SMAP2: variants seen among roughly 807,000 people sequenced by gnomAD.
SMAP2 encodes the protein small ArfGAP2.
Under a neutral mutation model 56.4 loss-of-function variants are expected in SMAP2, and 25 were observed. The observed-to-expected ratio is 0.44, with a 90% CI of 0.32 to 0.62. SMAP2 has a LOEUF of 0.62. Ranked by LOEUF, SMAP2 falls within the 20% of genes least tolerant of loss-of-function variation. The pLI is 0.04. For missense variants in SMAP2, 388 were observed against 545.6 expected (o/e 0.71, Z 2.88); for synonymous variants, 157 against 181.7 (o/e 0.86, Z 1.09).
chr1:40,419,441 C>T (rs542988124), intron 9 of SMAP2, among the ~76,000 whole-genome samples: 8 of 152,098 alleles, frequency 5.3e-5, no homozygotes, highest in African/African-American at 1.4e-4. Context: ...CCACCACACC[C>T]GGTTAATTTT....
At position 40,423,287 on chromosome 1, in the gene SMAP2, T is replaced by C. The variant is rs1480317936; in HGVS notation, c.*1186T>C. On this transcript the variant is annotated 3_prime_UTR_variant, in exon 10 of 10. Transcript: ENST00000372718. ...ACAGTTCCTGGCTGCCTTTCTCCTG[T>C]GTATGTGTAAATTCCTTAATAAATA... 1 of 152,696 alleles carries C rather than the reference T, an allele frequency of 6.5e-6. No individual in the cohort carries two copies. The highest frequency in any genetic ancestry group is 1.5e-5 in the Non-Finnish European group (1 of 68,050). The allele number at this position is 152,696 out of a possible 1,614,324, so 9.5% of individuals were successfully genotyped here.
chr1:40,380,655 G>A (rs778874817), intron 1 of SMAP2, among the ~76,000 whole-genome samples: 12 of 151,396 alleles, frequency 7.9e-5, no homozygotes, highest in Middle Eastern at 3.4e-3. Context: ...TCAGCCTCCC[G>A]AGTGGCTGGG....
chr1:40,416,117 C>G, intron 7 of SMAP2, 59 bp from the exon 8 acceptor site: 1 of 1,532,954 alleles, frequency 6.5e-7, no homozygotes, highest in Non-Finnish European at 8.9e-7. Context: ...GAAGGGAGAC[C>G]CTTAAAGAGA....
chr1:40,385,442 A>G lies in SMAP2; in HGVS notation c.103+11219A>G, dbSNP rs1446358171. ...TTTTTAAAAAAAACATTTCAGGTCA[A>G]AGCTTCCAAAAAGAAATTTCTTAAT... On this transcript the variant is annotated intron_variant, in intron 1 of 9. Transcript: ENST00000372718. The surrounding 1 kb of genome is among the most constrained non-coding windows in gnomAD (Gnocchi z 4.5). Among the ~76,000 whole-genome samples, 1 of 152,174 alleles carries G rather than the reference A, an allele frequency of 6.6e-6. No individual in the cohort carries two copies. The highest frequency in any genetic ancestry group is 2.4e-5 in the African/African-American group (1 of 41,446).
chr1:40,372,697 TG>T (rs1258132901), upstream of SMAP2, among the ~76,000 whole-genome samples: 2 of 152,288 alleles, frequency 1.3e-5, no homozygotes, highest in East Asian at 3.9e-4. Context: ...AGTAAAGAAA[TG>T]GAGGAGAGGG....
At chr1:40,350,588 C>T (rs563787611) in intron 1 of SMAP2, among the ~76,000 whole-genome samples, 2 of 152,276 alleles carry the variant, frequency 1.3e-5, no homozygotes, top group East Asian at 3.9e-4. Context: ...ATCTGGGCTG[C>T]TTCCTGTTCA....
At chr1:40,393,643 T>C (rs955963171) in intron 1 of SMAP2, 20 of 727,858 alleles carry the variant, frequency 2.7e-5, no homozygotes, top group Non-Finnish European at 4.1e-5. Context: ...CCTCCCAGGT[T>C]CAAGCGATTC....
chr1:40,360,969 A>G (rs570722646), intron 1 of SMAP2, among the ~76,000 whole-genome samples: 5 of 152,314 alleles, frequency 3.3e-5, no homozygotes, highest in Admixed American at 2.6e-4. Context: ...GCTGGGCTTG[A>G]AGCCAGTGGA....
chr1:40,379,584 C>T lies in SMAP2; in HGVS notation c.103+5361C>T, dbSNP rs971331625. On this transcript the variant is annotated intron_variant, in intron 1 of 9. Transcript: ENST00000372718. Reference sequence around the variant, plus strand: ...TTTTTTTTTTTTTTTTTTTTTGAGGCGGAGTCTTGCTATGTACAGTGGTGC... The same window carrying T: ...TTTTTTTTTTTTTTTTTTTTTGAGGTGGAGTCTTGCTATGTACAGTGGTGC... Among the ~76,000 whole-genome samples, 21 of 100,114 alleles carry T rather than the reference C, an allele frequency of 2.1e-4. No homozygotes were observed. The East Asian group carries it at 3.2e-3, about 15-fold the overall frequency. 65.7% of individuals were successfully genotyped at this position (100,114 alleles called of 152,430 possible). A position where few individuals can be genotyped will look rare whatever the true frequency, so the allele number is the denominator to read the frequency against.
At chr1:40,378,175 A>G (rs1376886234) in intron 1 of SMAP2, among the ~76,000 whole-genome samples, 1 of 152,068 alleles carries the variant, frequency 6.6e-6, no homozygotes, top group East Asian at 1.9e-4. Context: ...CCCAGGCTGG[A>G]GTGCAGTGGT....
At chr1:40,358,172 T>C (rs1644444973) in intron 1 of SMAP2, among the ~76,000 whole-genome samples, 2 of 152,356 alleles carry the variant, frequency 1.3e-5, no homozygotes, top group South Asian at 4.1e-4. Context: ...TGTATTTTAC[T>C]TAATTTGTAG....
chr1:40,361,911 T>C lies in SMAP2; in HGVS notation c.-82-389T>C, dbSNP rs923737514. Among the ~76,000 whole-genome samples the C allele has an allele frequency of 9.2e-5, 14 of 152,272 alleles. 1 individual carries two copies. Among genetic ancestry groups the C allele is most frequent in the East Asian group, 5.8e-4 (3 of 5,182 alleles). On this transcript the variant is annotated intron_variant, in intron 1 of 6. Transcript: ENST00000435168. ...TGCATGGGAGATAAACTGGTTAGGA[T>C]TCCAATAGGAAGCCTGTGGCCAATG...
intron 1 of SMAP2, among the ~76,000 whole-genome samples, chr1:40,361,852 C>T (rs1274808497): frequency 6.6e-6 from 1 of 152,144 alleles, no homozygotes; most frequent in African/African-American, 2.4e-5. Flanking sequence ...CTTCTGACTC[C>T]CGGCTTGATT....
chr1:40,407,771 T>C (rs1347351329), intron 2 of SMAP2, among the ~76,000 whole-genome samples: 1 of 152,120 alleles, frequency 6.6e-6, no homozygotes, highest in East Asian at 1.9e-4. Context: ...GGACAATGTG[T>C]ATATTAGATT....
intron 4 of SMAP2, 100 bp from the exon 5 acceptor site, chr1:40,412,916 T>C (rs1205678076): frequency 8.5e-6 from 7 of 827,788 alleles, no homozygotes; most frequent in African/African-American, 3.5e-5. Flanking sequence ...TCAGAATCAA[T>C]AGGGATTGGA....
At chr1:40,349,579 T>TG (rs1644401918) in intron 1 of SMAP2, among the ~76,000 whole-genome samples, 1 of 152,134 alleles carries the variant, frequency 6.6e-6, no homozygotes. Flanking sequence ...AGTGCAGTGG[T>TG]GCCATCTCTG....
intron 1 of SMAP2, among the ~76,000 whole-genome samples, chr1:40,387,642 C>A (rs1187738778): frequency 6.6e-6 from 1 of 152,098 alleles, no homozygotes; most frequent in Non-Finnish European, 1.5e-5. Flanking sequence ...ATGGGTCATA[C>A]CACAGCAAGA....
rs1038656858 is a variant in SMAP2 at position 40,386,577 on chromosome 1, A to C, written c.103+12354A>C. On this transcript the variant is annotated intron_variant, in intron 1 of 9. Coordinates refer to ENST00000372718, the MANE Select transcript of SMAP2 (RefSeq NM_022733.3). The surrounding 1 kb of genome is among the most constrained non-coding windows in gnomAD (Gnocchi z 4.1). Reference sequence around the variant, plus strand: ...CAGATCAAGGGTCCATATTACGGGCAGAGTAAAAATAGGTCCCAGTTTCAT... The same window carrying C: ...CAGATCAAGGGTCCATATTACGGGCCGAGTAAAAATAGGTCCCAGTTTCAT... Among the ~76,000 whole-genome samples the C allele has an allele frequency of 1.3e-5, 2 of 152,214 alleles. No individual in the cohort carries two copies. The highest frequency in any genetic ancestry group is 2.9e-5 in the Non-Finnish European group (2 of 68,046).
chr1:40,354,438 A>C (rs1644424564), intron 1 of SMAP2, among the ~76,000 whole-genome samples: 1 of 151,828 alleles, frequency 6.6e-6, no homozygotes, highest in Non-Finnish European at 1.5e-5. Context: ...TCCCGGGTTC[A>C]AGTGATTCTC....
Sources: allele counts gnomAD v4.1 joint callset (sites outside exome capture counted in the v4.1 genomes callset), GRCh38; gene constraint gnomAD v4.1.1; non-coding constraint Gnocchi (gnomAD v3.1); transcripts MANE v1.5; gene names NCBI Gene and HGNC (gene_info 2026-07-23, HGNC 2026-07-21).